Variants in NAALADL2 observed in about 807,000 individuals in gnomAD.
NAALADL2 encodes N-acetylated alpha-linked acidic dipeptidase like 2, also known as inactive N-acetylated-alpha-linked acidic dipeptidase-like protein 2.
NAALADL2 carries 76 observed loss-of-function variants against 87.2 expected under a neutral mutation model. The ratio of observed to expected loss-of-function variants is 0.87; its 90% CI spans 0.72 to 1.05. NAALADL2 has a LOEUF of 1.05. NAALADL2 is among the 50% of genes least tolerant of loss of function. The pLI, the probability that NAALADL2 is intolerant of heterozygous loss-of-function variation, is 0.00. For synonymous variants in NAALADL2, 354 were observed against 331.0 expected (o/e 1.07, Z -0.75); for missense variants, 1,089 against 945.8 (o/e 1.15, Z -1.99).
At chr3:174,839,975 A>G (rs769656433) in intron 3 of NAALADL2, among the ~76,000 whole-genome samples, 9 of 152,168 alleles carry the variant, frequency 5.9e-5, no homozygotes, top group Non-Finnish European at 1.3e-4. Context: ...TAGAACTACC[A>G]TTTGATCCAG....
At chr3:174,914,745 A>G (rs2108318310) in intron 1 of NAALADL2, among the ~76,000 whole-genome samples, 1 of 152,320 alleles carries the variant, frequency 6.6e-6, no homozygotes, top group Admixed American at 6.5e-5. Flanking sequence ...ATTTTATTAA[A>G]GATTAATTTA....
intron 3 of NAALADL2, among the ~76,000 whole-genome samples, chr3:174,831,143 T>C (rs1175294931): frequency 6.6e-6 from 1 of 151,968 alleles, no homozygotes; most frequent in East Asian, 1.9e-4. Flanking sequence ...TCCAACACTA[T>C]GTTGAATAGG....
At chr3:174,892,921 CAAA>C (rs35081771) in intron 1 of NAALADL2, among the ~76,000 whole-genome samples, 9,900 of 108,490 alleles carry the variant, frequency 0.091, 339 homozygotes, top group Middle Eastern at 0.15. Context: ...GACTCCAACT[CAAA>C]AAAAAAAAAA....
chr3:174,982,703 G>C (rs1745275316), intron 1 of NAALADL2, among the ~76,000 whole-genome samples: 1 of 152,206 alleles, frequency 6.6e-6, no homozygotes. Context: ...ATTTTATGTA[G>C]GTGCTGTTGG....
At position 175,808,984 on chromosome 3, in the gene NAALADL2, T is replaced by C. The variant is rs1754934981; in HGVS notation, c.*5781T>C. The C allele has an allele frequency of 6.6e-6, 1 of 152,012 alleles. No homozygotes were observed. The highest frequency in any genetic ancestry group is 6.6e-5 in the Admixed American group (1 of 15,216). 9.4% of individuals were successfully genotyped at this position (152,012 alleles called of 1,614,324 possible). ...TTTATTCAATATGTTACCACTCATA[T>C]GGTCATTACTTGGTAAGTGTTTTAT... is the stretch of plus-strand genomic sequence containing the variant. On this transcript the variant is annotated 3_prime_UTR_variant, in exon 14 of 14. Transcript: ENST00000454872.
chr3:175,140,605 G>T (rs1379386052), intron 2 of NAALADL2, among the ~76,000 whole-genome samples: 2 of 152,068 alleles, frequency 1.3e-5, no homozygotes, highest in Admixed American at 6.6e-5. Context: ...TACATACCAT[G>T]GGGGGAGGTG....
chr3:174,507,932 G>A (rs1170113677), intron 1 of NAALADL2, among the ~76,000 whole-genome samples: 1 of 151,936 alleles, frequency 6.6e-6, no homozygotes, highest in Admixed American at 6.6e-5. Context: ...AGATTGATGA[G>A]TTGAAGTAAG....
intron 1 of NAALADL2, among the ~76,000 whole-genome samples, chr3:174,477,753 A>T (rs1717300831): frequency 6.6e-6 from 1 of 152,180 alleles, no homozygotes; most frequent in African/African-American, 2.4e-5. Flanking sequence ...TCCTCTGGGG[A>T]AGGATTAAAA....
In NAALADL2 at chr3:174,669,967, G is replaced by A. The variant is rs191330172; in HGVS notation, c.-114-67674G>A. Reference sequence around the variant, plus strand: ...TGTTCTTTGTTATCTCCTTGGTTAAGTTTATTTCTAAGTATTTTATTCTTT... The same window carrying A: ...TGTTCTTTGTTATCTCCTTGGTTAAATTTATTTCTAAGTATTTTATTCTTT... On this transcript the variant is annotated intron_variant, in intron 2 of 3. Transcript: ENST00000434257. Among the ~76,000 whole-genome samples the A allele has an allele frequency of 1.5e-4, 23 of 151,942 alleles. No homozygotes were observed. The East Asian group carries it at 4.1e-3, about 27-fold the overall frequency.
chr3:175,504,305 G>C (rs936437676), intron 9 of NAALADL2, among the ~76,000 whole-genome samples: 1 of 152,132 alleles, frequency 6.6e-6, no homozygotes, highest in African/African-American at 2.4e-5. Flanking sequence ...ATTTCTGGAC[G>C]GTTGGAATTG....
At chr3:175,166,776 CT>C (rs1734070876) in intron 2 of NAALADL2, among the ~76,000 whole-genome samples, 1 of 152,094 alleles carries the variant, frequency 6.6e-6, no homozygotes, top group Non-Finnish European at 1.5e-5. Flanking sequence ...ATAAATATAA[CT>C]ACCTCTTGAA....
chr3:175,498,437 T>A (rs145344557), intron 9 of NAALADL2, among the ~76,000 whole-genome samples: 1,571 of 152,158 alleles, frequency 0.01, 12 homozygotes, highest in Middle Eastern at 0.031. Context: ...TGAAAGATTA[T>A]TGAAAGTATG....
At chr3:175,061,753 A>ATATATATATATG (rs2109084660) in intron 1 of NAALADL2, among the ~76,000 whole-genome samples, 1 of 148,356 alleles carries the variant, frequency 6.7e-6, no homozygotes, top group Admixed American at 6.8e-5. Flanking sequence ...ATATATATAT[A>ATATATATATATG]GTTTTATACA....
At chr3:175,508,052 G>C (rs1730597817) in intron 9 of NAALADL2, among the ~76,000 whole-genome samples, 2 of 152,212 alleles carry the variant, frequency 1.3e-5, no homozygotes, top group African/African-American at 4.8e-5. Flanking sequence ...GGTGAAAGGA[G>C]AGCAGGCACA....
intron 5 of NAALADL2, among the ~76,000 whole-genome samples, chr3:175,401,984 C>T (rs1770618964): frequency 6.6e-6 from 1 of 151,934 alleles, no homozygotes; most frequent in Non-Finnish European, 1.5e-5. Context: ...GGAGTGACTT[C>T]CTAAGGCACT....
At chr3:175,449,506 G>A (rs918088353) in intron 6 of NAALADL2, among the ~76,000 whole-genome samples, 10 of 146,210 alleles carry the variant, frequency 6.8e-5, no homozygotes, top group African/African-American at 2.3e-4. Flanking sequence ...CACCATTCTC[G>A]CCTCAGCCTC....
At chr3:175,048,000 G>A (rs371202710) in intron 1 of NAALADL2, among the ~76,000 whole-genome samples, 248 of 152,150 alleles carry the variant, frequency 1.6e-3, no homozygotes, top group Non-Finnish European at 2.9e-3. Context: ...TTGTCAGGAA[G>A]TGGCACTTCA....
chr3:175,083,910 A>C (rs1718361981), intron 1 of NAALADL2, among the ~76,000 whole-genome samples: 1 of 152,198 alleles, frequency 6.6e-6, no homozygotes, highest in Non-Finnish European at 1.5e-5. Flanking sequence ...TAAGCTTCAA[A>C]GATAAAAGAT....
intron 6 of NAALADL2, among the ~76,000 whole-genome samples, chr3:175,458,526 G>T (rs1305532103): frequency 1.4e-5 from 2 of 144,566 alleles, no homozygotes; most frequent in Admixed American, 6.9e-5. Flanking sequence ...TGTTCTCTTG[G>T]TTTTATATAT....
Sources: allele counts gnomAD v4.1 joint callset (sites outside exome capture counted in the v4.1 genomes callset), GRCh38; gene constraint gnomAD v4.1.1; transcripts MANE v1.5; gene names NCBI Gene and HGNC (gene_info 2026-07-23, HGNC 2026-07-21).